CCSER1: variants seen among roughly 807,000 people sequenced by gnomAD.
The protein encoded by CCSER1 is coiled-coil serine rich protein 1.
CCSER1 carries 41 observed loss-of-function variants against 82.0 expected under a neutral mutation model. That is an observed-to-expected ratio of 0.50 (90% CI 0.39 to 0.65). The LOEUF (loss-of-function observed/expected upper bound fraction) is 0.65, where lower values mean the gene tolerates loss of function less well. Among genes scored for constraint, CCSER1 ranks in the 30% least tolerant of loss-of-function variants. CCSER1 has a pLI of 0.00. For missense variants in CCSER1, 1,119 were observed against 1,064.2 expected (o/e 1.05, Z -0.72); for synonymous variants, 414 against 383.9 (o/e 1.08, Z -0.92).
At chr4:90,695,606 A>G (rs1736858019) in intron 6 of CCSER1, among the ~76,000 whole-genome samples, 1 of 152,040 alleles carries the variant, frequency 6.6e-6, no homozygotes, top group South Asian at 2.1e-4. Context: ...TGATTGTCTG[A>G]GGTCATGTGA....
chr4:91,263,323 T>A (rs1741333507), intron 10 of CCSER1, among the ~76,000 whole-genome samples: 1 of 152,104 alleles, frequency 6.6e-6, no homozygotes, highest in African/African-American at 2.4e-5. Flanking sequence ...CTGAAGAGGT[T>A]AATTTTAATC....
chr4:90,453,982 G>A (rs1761838139), intron 4 of CCSER1, among the ~76,000 whole-genome samples: 1 of 152,160 alleles, frequency 6.6e-6, no homozygotes, highest in African/African-American at 2.4e-5. Flanking sequence ...TGTGAGTCCT[G>A]CTGGACCACT....
At chr4:91,528,271 G>A (rs1005829097) in intron 10 of CCSER1, among the ~76,000 whole-genome samples, 2 of 152,004 alleles carry the variant, frequency 1.3e-5, no homozygotes, top group Non-Finnish European at 2.9e-5. Context: ...TGCCCATAGT[G>A]GTTGCCTTGT....
At chr4:90,539,600 T>A (rs1007817735) in intron 5 of CCSER1, among the ~76,000 whole-genome samples, 2 of 152,184 alleles carry the variant, frequency 1.3e-5, no homozygotes, top group Admixed American at 1.3e-4. Context: ...CACTTTTGCA[T>A]GCATTTTCTG....
intron 6 of CCSER1, among the ~76,000 whole-genome samples, chr4:90,689,924 C>T (rs768283086): frequency 5.9e-5 from 9 of 152,060 alleles, no homozygotes; most frequent in Non-Finnish European, 1.0e-4. Flanking sequence ...TGTCTAGGCA[C>T]GTCCAGCAAC....
chr4:90,308,397 C>G lies in CCSER1; in HGVS notation c.113C>G (p.Thr38Arg). ...CCTTCTTCACCTTCTTCCAGTAATA[C>G]AGTTGGTGTCCACAGTTCCTCTCCT... The part of the protein sequence containing the change: ...SLPSSPSSSN[T>R]VGVHSSSPSS... The change falls in exon 2 of 11, where the codon ACA becomes AGA. Residue 38 changes from threonine (T) to arginine (R), a missense_variant. Coordinates refer to ENST00000509176, the MANE Select transcript of CCSER1 (RefSeq NM_001145065.2). The G allele has an allele frequency of 6.2e-7, 1 of 1,613,784 alleles. No homozygotes were observed.
chr4:90,904,978 A>G (rs1430475133), intron 8 of CCSER1, among the ~76,000 whole-genome samples: 1 of 152,032 alleles, frequency 6.6e-6, no homozygotes, highest in South Asian at 2.1e-4. Flanking sequence ...ATCACCATCA[A>G]CCAGCCTCCC....
intron 3 of CCSER1, among the ~76,000 whole-genome samples, chr4:90,328,689 T>A (rs1272601205): frequency 6.6e-6 from 1 of 152,088 alleles, no homozygotes; most frequent in African/African-American, 2.4e-5. Context: ...GACACAGATG[T>A]TGCCCACTTC....
At chr4:90,736,277 T>C (rs1745635723) in intron 7 of CCSER1, among the ~76,000 whole-genome samples, 1 of 152,166 alleles carries the variant, frequency 6.6e-6, no homozygotes, top group African/African-American at 2.4e-5. Flanking sequence ...TCTGTCTGGA[T>C]GATCTGTCCA....
At chr4:90,154,523 C>G (rs1400345681) in intron 1 of CCSER1, among the ~76,000 whole-genome samples, 1 of 150,764 alleles carries the variant, frequency 6.6e-6, no homozygotes, top group African/African-American at 2.4e-5. Flanking sequence ...ATGGAATGTT[C>G]TTCCATTTGT....
At chr4:91,010,365 A>G (rs941726507) in intron 9 of CCSER1, among the ~76,000 whole-genome samples, 1 of 152,144 alleles carries the variant, frequency 6.6e-6, no homozygotes, top group Non-Finnish European at 1.5e-5. Context: ...ACTTTTTGAC[A>G]GTTTAATTAC....
At chr4:90,696,047 A>C (rs1736952819) in intron 6 of CCSER1, among the ~76,000 whole-genome samples, 1 of 152,130 alleles carries the variant, frequency 6.6e-6, no homozygotes, top group South Asian at 2.1e-4. Context: ...CTCATCGGTT[A>C]CATTTCCAAA....
At chr4:91,397,242 C>T (rs1752045811) in intron 10 of CCSER1, among the ~76,000 whole-genome samples, 1 of 151,944 alleles carries the variant, frequency 6.6e-6, no homozygotes, top group African/African-American at 2.4e-5. Flanking sequence ...GTGCCAGTTA[C>T]ATGATGACAA....
intron 10 of CCSER1, among the ~76,000 whole-genome samples, chr4:91,481,763 G>A (rs887275578): frequency 6.6e-6 from 1 of 152,134 alleles, no homozygotes; most frequent in Non-Finnish European, 1.5e-5. Flanking sequence ...ATATCATAGT[G>A]GCCCAGGTGG....
chr4:91,267,294 T>TG (rs144558701), intron 10 of CCSER1, among the ~76,000 whole-genome samples: 8 of 152,086 alleles, frequency 5.3e-5, no homozygotes, highest in Admixed American at 2.0e-4. Flanking sequence ...ATTAGTTTTT[T>TG]GGGGGGGTTC....
intron 1 of CCSER1, among the ~76,000 whole-genome samples, chr4:90,255,344 C>T (rs576111175): frequency 4.6e-5 from 7 of 151,864 alleles, no homozygotes; most frequent in African/African-American, 7.3e-5. Context: ...AGGGAATCTG[C>T]GCAATCATTA....
chr4:90,639,409 A>C (rs1489336090), intron 6 of CCSER1, among the ~76,000 whole-genome samples: 1 of 152,056 alleles, frequency 6.6e-6, no homozygotes. Flanking sequence ...GGACATACTC[A>C]ATTATGGCAG....
At chr4:90,304,793 TATA>T (rs1422503983) in intron 1 of CCSER1, among the ~76,000 whole-genome samples, 2 of 151,950 alleles carry the variant, frequency 1.3e-5, no homozygotes, top group Admixed American at 1.3e-4. Flanking sequence ...AAACTTAAAG[TATA>T]ATAATAATAA....
intron 9 of CCSER1, among the ~76,000 whole-genome samples, chr4:91,051,635 G>T (rs967850495): frequency 2.0e-5 from 3 of 152,050 alleles, no homozygotes; most frequent in African/African-American, 7.2e-5. Flanking sequence ...TGTCATAGCT[G>T]GGTAAATTGT....
Sources: gnomAD v4.1 joint callset for allele counts (sites outside exome capture counted in the v4.1 genomes callset) on GRCh38, gnomAD v4.1.1 for gene constraint, MANE v1.5 for transcripts, NCBI Gene and HGNC (gene_info 2026-07-23, HGNC 2026-07-21) for gene names.